Variants in SYN2 observed in about 807,000 individuals in gnomAD.
SYN2 encodes synapsin-2.
SYN2 carries 19 observed loss-of-function variants against 50.9 expected under a neutral mutation model. The ratio of observed to expected loss-of-function variants is 0.37; its 90% confidence interval spans 0.26 to 0.55. The LOEUF (loss-of-function observed/expected upper bound fraction) is 0.55. Ranked by LOEUF, SYN2 falls within the 20% of genes least tolerant of loss-of-function variation. The pLI, the probability that SYN2 is intolerant of heterozygous loss-of-function variation, is 0.81. For synonymous variants in SYN2, 255 were observed against 224.9 expected (o/e 1.13, Z -1.20); for missense variants, 587 against 576.4 (o/e 1.02, Z -0.19).
At chr3:12,158,846 T>G in intron 5 of SYN2, 1 of 1,568,750 alleles carries the variant, frequency 6.4e-7, no homozygotes, top group East Asian at 2.3e-5. Context: ...GGCATGACAC[T>G]GCAGATCCGC....
chr3:12,051,626 A>C (rs1694866960), intron 1 of SYN2, among the ~76,000 whole-genome samples: 1 of 152,188 alleles, frequency 6.6e-6, no homozygotes, highest in Non-Finnish European at 1.5e-5. Flanking sequence ...GTTCTGTGCT[A>C]ATCTCTAAAC....
chr3:12,166,592 T>C (rs989974136), intron 7 of SYN2, among the ~76,000 whole-genome samples: 2 of 152,190 alleles, frequency 1.3e-5, no homozygotes, highest in Non-Finnish European at 2.9e-5. Context: ...TGCCATCGGC[T>C]CCATTTGACA....
chr3:12,157,628 A>T (rs1697497486), intron 5 of SYN2: 2 of 699,950 alleles, frequency 2.9e-6, no homozygotes, highest in African/African-American at 3.6e-5. Context: ...GATGTGTGAG[A>T]AGGGGGACCT....
At chr3:12,034,111 G>A (rs910393611) in intron 1 of SYN2, among the ~76,000 whole-genome samples, 17 of 152,202 alleles carry the variant, frequency 1.1e-4, no homozygotes, top group Non-Finnish European at 1.8e-4. Context: ...CTGCCAGACT[G>A]TTTTCCAAAG....
intron 4 of SYN2, among the ~76,000 whole-genome samples, chr3:12,147,013 C>G (rs548251371): frequency 5.9e-5 from 9 of 152,260 alleles, no homozygotes; most frequent in Admixed American, 2.0e-4. Flanking sequence ...GGATCCAGAC[C>G]CTGCATCTTC....
At chr3:12,042,012 C>G (rs1434198014) in intron 1 of SYN2, among the ~76,000 whole-genome samples, 1 of 152,160 alleles carries the variant, frequency 6.6e-6, no homozygotes, top group Non-Finnish European at 1.5e-5. Flanking sequence ...CTCTGCTCTG[C>G]CAACATATAT....
intron 1 of SYN2, among the ~76,000 whole-genome samples, chr3:12,050,699 T>TTCTTC (rs1559399641): frequency 5.7e-5 from 8 of 141,470 alleles, no homozygotes; most frequent in South Asian, 2.4e-4. Flanking sequence ...AATCTCATCT[T>TTCTTC]TCTTCTCTTC....
At chr3:12,054,049 G>T (rs1410519682) in intron 1 of SYN2, among the ~76,000 whole-genome samples, 2 of 152,104 alleles carry the variant, frequency 1.3e-5, no homozygotes, top group Non-Finnish European at 2.9e-5. Context: ...AGGACAGGAA[G>T]CAAATGCAAG....
At chr3:12,134,936 T>C (rs1696863371) in intron 1 of SYN2, among the ~76,000 whole-genome samples, 1 of 152,228 alleles carries the variant, frequency 6.6e-6, no homozygotes, top group South Asian at 2.1e-4. Flanking sequence ...CCAATTTTTA[T>C]AGTTCCAGCA....
chr3:12,036,239 A>T (rs1259877138), intron 1 of SYN2, among the ~76,000 whole-genome samples: 1 of 152,066 alleles, frequency 6.6e-6, no homozygotes, highest in Non-Finnish European at 1.5e-5. Context: ...TGGCTTAGCT[A>T]GGCATTGCCC....
At chr3:12,079,877 G>A (rs978047854) in intron 1 of SYN2, among the ~76,000 whole-genome samples, 9 of 152,084 alleles carry the variant, frequency 5.9e-5, no homozygotes, top group East Asian at 1.9e-4. Context: ...AGAAGAAAGG[G>A]TATCAGCTCT....
intron 1 of SYN2, among the ~76,000 whole-genome samples, chr3:12,119,484 G>C (rs1036177815): frequency 6.6e-6 from 1 of 152,186 alleles, no homozygotes; most frequent in African/African-American, 2.4e-5. Context: ...TAAGTGAAGA[G>C]AGAGGCTTCT....
At chr3:12,160,473 A>G (rs1477273997) in intron 5 of SYN2, among the ~76,000 whole-genome samples, 1 of 152,220 alleles carries the variant, frequency 6.6e-6, no homozygotes, top group Non-Finnish European at 1.5e-5. Flanking sequence ...CCTTCAAAGG[A>G]TACCTTTTCA....
intron 1 of SYN2, among the ~76,000 whole-genome samples, chr3:12,081,553 A>T (rs545868749): frequency 6.6e-6 from 1 of 152,322 alleles, no homozygotes; most frequent in African/African-American, 2.4e-5. Context: ...GACAGTGATC[A>T]GTCCTTTGTA....
intron 3 of SYN2, among the ~76,000 whole-genome samples, chr3:12,143,198 G>GT (rs1292392696): frequency 1.3e-5 from 2 of 152,160 alleles, no homozygotes; most frequent in East Asian, 1.9e-4. Flanking sequence ...CAGGATTGGA[G>GT]TTGTATTTCA....
chr3:12,062,709 C>T (rs144355759), intron 1 of SYN2, among the ~76,000 whole-genome samples: 27 of 152,092 alleles, frequency 1.8e-4, no homozygotes, highest in African/African-American at 6.0e-4. Context: ...TCTTACCATA[C>T]GATCCAGCAT....
chr3:12,066,337 T>C (rs1695217461), intron 1 of SYN2, among the ~76,000 whole-genome samples: 1 of 151,844 alleles, frequency 6.6e-6, no homozygotes, highest in African/African-American at 2.4e-5. Flanking sequence ...TTCTGAAAAA[T>C]AAAATTAAAA....
chr3:12,163,034 A>T (rs2125237422), intron 7 of SYN2, among the ~76,000 whole-genome samples: 1 of 152,130 alleles, frequency 6.6e-6, no homozygotes, highest in Non-Finnish European at 1.5e-5. Context: ...AGGTCAGGAG[A>T]TCAAGACCAT....
chr3:12,154,257 T>C lies in SYN2; in HGVS notation c.774+2931T>C. On this transcript the variant is annotated intron_variant, in intron 5 of 12. Coordinates refer to ENST00000621198, the MANE Select transcript of SYN2 (RefSeq NM_133625.6). ...AAGTATAGTCTAGTAAGTGAATAAATTCATGCATGAATGAAGGCTCAGAAC... is the reference window on the plus strand; with the variant it reads ...AAGTATAGTCTAGTAAGTGAATAAACTCATGCATGAATGAAGGCTCAGAAC... 9.4e-6 allele frequency: 15 copies of C among 1,603,520 alleles called. No individual in the cohort carries two copies. The South Asian group carries it at 1.6e-4, about 17-fold the overall frequency.
Sources: allele counts gnomAD v4.1 joint callset (sites outside exome capture counted in the v4.1 genomes callset), GRCh38; gene constraint gnomAD v4.1.1; transcripts MANE v1.5; gene names NCBI Gene and HGNC (gene_info 2026-07-23, HGNC 2026-07-21).